Variants in CTNND2 observed in about 807,000 individuals in gnomAD.
CTNND2 encodes the protein catenin delta-2.
A neutral mutation model predicts 144.4 loss-of-function variants in CTNND2; 22 were observed. The observed-to-expected ratio is 0.15, with a 90% CI of 0.11 to 0.22. CTNND2 has a LOEUF of 0.22. Among genes scored for constraint, CTNND2 ranks in the 10% least tolerant of loss-of-function variants. The pLI, the probability that CTNND2 is intolerant of heterozygous loss-of-function variation, is 1.00. For synonymous variants in CTNND2, 751 were observed against 695.6 expected (o/e 1.08, Z -1.25); for missense variants, 1,353 against 1,618.8 (o/e 0.84, Z 2.82).
intron 1 of CTNND2, among the ~76,000 whole-genome samples, chr5:11,837,755 G>T (rs1794256779): frequency 6.6e-6 from 1 of 152,016 alleles, no homozygotes; most frequent in Non-Finnish European, 1.5e-5. Context: ...AAAAACAAAG[G>T]TTTTTTTCTG....
chr5:11,575,429 T>G (rs1777902782), intron 2 of CTNND2, among the ~76,000 whole-genome samples: 1 of 152,200 alleles, frequency 6.6e-6, no homozygotes, highest in Non-Finnish European at 1.5e-5. Flanking sequence ...GAATTTCTGT[T>G]CAATGATCTT....
intron 9 of CTNND2, among the ~76,000 whole-genome samples, chr5:11,338,021 T>C (rs1753893677): frequency 6.6e-6 from 1 of 152,170 alleles, no homozygotes; most frequent in Non-Finnish European, 1.5e-5. Flanking sequence ...TAAGCAAATA[T>C]GATGGATCCA....
At chr5:11,255,822 A>AG (rs1034736324) in intron 9 of CTNND2, among the ~76,000 whole-genome samples, 1 of 152,308 alleles carries the variant, frequency 6.6e-6, no homozygotes, top group African/African-American at 2.4e-5. Flanking sequence ...GCCATGGCCC[A>AG]GGGCCTCATT....
chr5:11,732,960 T>G (rs960724685), intron 1 of CTNND2, among the ~76,000 whole-genome samples: 3 of 152,126 alleles, frequency 2.0e-5, no homozygotes, highest in Non-Finnish European at 4.4e-5. Context: ...CCCAGAGGAC[T>G]GGGTTCGTAG....
chr5:11,352,813 C>T (rs1480981742), intron 8 of CTNND2, among the ~76,000 whole-genome samples: 2 of 152,136 alleles, frequency 1.3e-5, no homozygotes, highest in African/African-American at 4.8e-5. Context: ...ACTACTATTT[C>T]TAAGAATGTT....
intron 2 of CTNND2, among the ~76,000 whole-genome samples, chr5:11,625,420 T>TCTCTCG (rs1554095914): frequency 2.0e-5 from 3 of 151,276 alleles, no homozygotes; most frequent in Non-Finnish European, 1.5e-5. Flanking sequence ...TCTCTCTCTC[T>TCTCTCG]CTCGCTCTCT....
At chr5:11,847,861 CAT>C (rs1279550615) in intron 1 of CTNND2, among the ~76,000 whole-genome samples, 1 of 152,052 alleles carries the variant, frequency 6.6e-6, no homozygotes, top group African/African-American at 2.4e-5. Flanking sequence ...ATTATGACAA[CAT>C]ATCTACAGAT....
chr5:11,602,718 T>C (rs1164029405), intron 2 of CTNND2, among the ~76,000 whole-genome samples: 2 of 145,166 alleles, frequency 1.4e-5, no homozygotes, highest in Non-Finnish European at 3.0e-5. Flanking sequence ...TATTATATTA[T>C]ATATTTTATA....
chr5:11,564,423 C>T (rs1231491765), intron 3 of CTNND2, among the ~76,000 whole-genome samples: 3 of 152,130 alleles, frequency 2.0e-5, no homozygotes, highest in African/African-American at 7.2e-5. Context: ...TTCATAATCT[C>T]AAACTAATCA....
intron 2 of CTNND2, among the ~76,000 whole-genome samples, chr5:11,728,602 T>TACGCAA (rs1307635971): frequency 6.6e-6 from 1 of 152,158 alleles, no homozygotes; most frequent in Non-Finnish European, 1.5e-5. Flanking sequence ...ATATCCTAAA[T>TACGCAA]AATGGTACTC....
chr5:11,566,567 T>C (rs1777119467), intron 2 of CTNND2, among the ~76,000 whole-genome samples: 1 of 152,232 alleles, frequency 6.6e-6, no homozygotes, highest in African/African-American at 2.4e-5. Context: ...AAAAACATAA[T>C]ACTTGAAGAC....
intron 16 of CTNND2, among the ~76,000 whole-genome samples, chr5:11,074,930 A>C (rs1476234308): frequency 6.6e-6 from 1 of 152,184 alleles, no homozygotes; most frequent in Non-Finnish European, 1.5e-5. Flanking sequence ...GCTTGAAAGG[A>C]TGGCCCTAAT....
intron 20 of CTNND2, among the ~76,000 whole-genome samples, chr5:10,984,487 A>C (rs1196066325): frequency 6.6e-6 from 1 of 151,930 alleles, no homozygotes; most frequent in African/African-American, 2.4e-5. Flanking sequence ...AATCATAAAC[A>C]GACACTGAGA....
intron 1 of CTNND2, among the ~76,000 whole-genome samples, chr5:11,779,675 G>A (rs139480076): frequency 6.6e-6 from 1 of 152,204 alleles, no homozygotes; most frequent in South Asian, 2.1e-4. Context: ...GCCACTTGCT[G>A]ATGTATAAAT....
At chr5:11,380,526 T>C (rs918002823) in intron 7 of CTNND2, among the ~76,000 whole-genome samples, 8 of 152,144 alleles carry the variant, frequency 5.3e-5, no homozygotes, top group Admixed American at 2.6e-4. Flanking sequence ...CAAGGCAGAG[T>C]TGGCTTTCCA....
rs1795294544 is a variant in CTNND2 at position 11,857,265 on chromosome 5, G to A, written c.37+46552C>T. 2.6e-5 allele frequency among the ~76,000 whole-genome samples: 4 copies of A among 152,188 alleles called. No individual in the cohort carries two copies. In the South Asian group the frequency reaches 8.3e-4, roughly 32 times the overall value. ...GTTGGAAAAGAGTCCGGGATGATGA[G>A]GATGTGCCAGCCATATCAAGGTACA... On this transcript the variant is annotated intron_variant, in intron 1 of 21. Transcript: ENST00000304623.
At chr5:11,056,235 C>T (rs1200016484) in intron 16 of CTNND2, among the ~76,000 whole-genome samples, 2 of 152,132 alleles carry the variant, frequency 1.3e-5, no homozygotes, top group Non-Finnish European at 2.9e-5. Context: ...AAATGCCTAG[C>T]CTTGAGTCAC....
chr5:11,732,021 C>T (rs1353212114), intron 2 of CTNND2, 115 bp downstream of exon 2: 2 of 902,174 alleles, frequency 2.2e-6, no homozygotes, highest in African/African-American at 1.7e-5. Context: ...AATACCAACA[C>T]TCTGCTACAT....
chr5:11,007,345 C>A (rs1228446324), intron 18 of CTNND2, among the ~76,000 whole-genome samples: 1 of 150,010 alleles, frequency 6.7e-6, no homozygotes, highest in Non-Finnish European at 1.5e-5. Flanking sequence ...AGCGGCCAAT[C>A]TGTCATCTGG....
Sources: allele counts gnomAD v4.1 joint callset (sites outside exome capture counted in the v4.1 genomes callset), GRCh38; gene constraint gnomAD v4.1.1; transcripts MANE v1.5; gene names NCBI Gene and HGNC (gene_info 2026-07-23, HGNC 2026-07-21).